The following DOCK9 variants were observed in gnomAD, a reference collection of about 807,000 sequenced individuals.
The protein encoded by DOCK9 is dedicator of cytokinesis protein 9.
Under a neutral mutation model 263.3 loss-of-function variants are expected in DOCK9, and 89 were observed. The observed-to-expected ratio is 0.34, with a 90% confidence interval of 0.28 to 0.40. The LOEUF is 0.40. Ranked by LOEUF, DOCK9 falls within the 10% of genes least tolerant of loss-of-function variation. The pLI, the probability that DOCK9 is intolerant of heterozygous loss-of-function variation, is 1.00. For missense variants in DOCK9, 2,140 were observed against 2,603.4 expected (o/e 0.82, Z 3.87); for synonymous variants, 976 against 973.1 (o/e 1.00, Z -0.06).
chr13:98,935,620 T>C (rs568353572), intron 2 of DOCK9, among the ~76,000 whole-genome samples: 46 of 152,158 alleles, frequency 3.0e-4, no homozygotes, highest in African/African-American at 1.1e-3. Flanking sequence ...AATACAAAAA[T>C]CAGGCAGCGT....
At chr13:98,965,974 T>C (rs2059149365) in intron 1 of DOCK9, among the ~76,000 whole-genome samples, 1 of 152,238 alleles carries the variant, frequency 6.6e-6, no homozygotes, top group Admixed American at 6.5e-5. Flanking sequence ...AATCTGATTT[T>C]GTCAAATCAA....
chr13:98,876,109 T>G (rs369939613), intron 27 of DOCK9, among the ~76,000 whole-genome samples: 2 of 152,172 alleles, frequency 1.3e-5, no homozygotes, highest in Admixed American at 1.3e-4. Context: ...AACACTTTAA[T>G]TGGCACTGAA....
At chr13:98,896,881 C>T (rs2047521090) in intron 15 of DOCK9, among the ~76,000 whole-genome samples, 1 of 152,308 alleles carries the variant, frequency 6.6e-6, no homozygotes, top group African/African-American at 2.4e-5. Context: ...GAAACAGGGT[C>T]TCTGCAGATG....
At chr13:98,812,176 T>C (rs555314022) in intron 45 of DOCK9, among the ~76,000 whole-genome samples, 1 of 151,458 alleles carries the variant, frequency 6.6e-6, no homozygotes, top group South Asian at 2.1e-4. Flanking sequence ...TAATGGGTTT[T>C]TTTTTTAAGG....
intron 36 of DOCK9, among the ~76,000 whole-genome samples, chr13:98,849,336 C>T (rs997888471): frequency 2.6e-5 from 4 of 152,062 alleles, no homozygotes; most frequent in Admixed American, 6.5e-5. Context: ...CATGCAAATA[C>T]ATTTGGCACC....
intron 1 of DOCK9, among the ~76,000 whole-genome samples, chr13:99,078,534 A>G (rs2042003253): frequency 6.6e-6 from 1 of 152,156 alleles, no homozygotes; most frequent in African/African-American, 2.4e-5. Flanking sequence ...ATGGTGAGGA[A>G]GCAGAGGCAG....
intron 1 of DOCK9, among the ~76,000 whole-genome samples, chr13:99,053,156 ACT>A (rs2040778922): frequency 6.6e-6 from 1 of 152,210 alleles, no homozygotes; most frequent in African/African-American, 2.4e-5. Flanking sequence ...CCCAGCTGCC[ACT>A]GTGTTCACAT....
chr13:99,037,941 A>G (rs1888061793), intron 1 of DOCK9, among the ~76,000 whole-genome samples: 1 of 152,232 alleles, frequency 6.6e-6, no homozygotes, highest in African/African-American at 2.4e-5. Context: ...AAGGATGAGG[A>G]AAGAACAGGA....
At chr13:98,995,400 T>C (rs2141759269) in intron 1 of DOCK9, among the ~76,000 whole-genome samples, 1 of 152,144 alleles carries the variant, frequency 6.6e-6, no homozygotes, top group East Asian at 1.9e-4. Context: ...TACTAGTTTA[T>C]TTACAATTGT....
At chr13:98,882,072 C>G in intron 23 of DOCK9, 65 bp from the exon 24 acceptor site, 2 of 1,306,046 alleles carry the variant, frequency 1.5e-6, no homozygotes, top group Non-Finnish European at 2.2e-6. Flanking sequence ...AAAGTAACTT[C>G]CACTCTTCCA....
chr13:98,806,486 G>A (rs1262279722), intron 48 of DOCK9, among the ~76,000 whole-genome samples: 5 of 152,204 alleles, frequency 3.3e-5, no homozygotes, highest in African/African-American at 1.2e-4. Flanking sequence ...AGCACATGGA[G>A]ACCATACTGG....
chr13:98,978,816 T>C (rs1322781024), upstream of DOCK9, among the ~76,000 whole-genome samples: 1 of 152,136 alleles, frequency 6.6e-6, no homozygotes, highest in Non-Finnish European at 1.5e-5. Context: ...AAGAGAGAGA[T>C]GCACAAAAGC....
chr13:99,066,320 C>T (rs938166443), intron 1 of DOCK9, among the ~76,000 whole-genome samples: 9 of 151,376 alleles, frequency 5.9e-5, no homozygotes, highest in Non-Finnish European at 1.0e-4. Flanking sequence ...TGGTGCCATG[C>T]AAATTTGTGT....
In DOCK9 at chr13:98,894,957, CAAAAAA is replaced by C. The variant is rs71114557; in HGVS notation, c.1709+2525_1709+2530del. ...GATATTTAGTATCTCTACTAAAATA[CAAAAAA>C]AAAAAAAAAAAAAAAAAAAAATTAG... On this transcript the variant is annotated intron_variant, in intron 15 of 52. Transcript: ENST00000682017. Among the ~76,000 whole-genome samples, 710 of 73,384 alleles carry C rather than the reference CAAAAAA, an allele frequency of 9.7e-3. 8 individuals are homozygous for C. The Middle Eastern group carries it at 0.12, about 12-fold the overall frequency. 48.1% of individuals were successfully genotyped at this position (73,384 alleles called of 152,430 possible).
chr13:99,037,444 A>G (rs1888008868), intron 1 of DOCK9, among the ~76,000 whole-genome samples: 2 of 152,222 alleles, frequency 1.3e-5, no homozygotes, highest in African/African-American at 4.8e-5. Flanking sequence ...AATGACTACA[A>G]TTAAAGACTG....
At chr13:98,880,177 C>T (rs745549311) in intron 26 of DOCK9, among the ~76,000 whole-genome samples, 8 of 151,956 alleles carry the variant, frequency 5.3e-5, no homozygotes, top group South Asian at 2.1e-4. Flanking sequence ...TGCATCCTGC[C>T]GGGAAACTGG....
intron 49 of DOCK9, among the ~76,000 whole-genome samples, chr13:98,803,942 T>A (rs1462759679): frequency 2.0e-5 from 3 of 149,872 alleles, no homozygotes; most frequent in Admixed American, 6.7e-5. Flanking sequence ...ACCTGTATTT[T>A]TTTTTTTTTT....
In DOCK9 at chr13:98,922,334, C is replaced by T. The variant is rs118139399; in HGVS notation, c.487-188G>A. ...CACTTAGCGGTGAAAGAGAGAGACC[C>T]GCCTACATTTCTGAAAACTTTATTC... On this transcript the variant is annotated intron_variant, in intron 5 of 52. Transcript: ENST00000682017. Among the ~76,000 whole-genome samples, 1,049 of 152,258 alleles carry T rather than the reference C, an allele frequency of 6.9e-3. 16 individuals are homozygous for T. The highest frequency in any genetic ancestry group is 0.046 in the South Asian group (223 of 4,824).
intron 4 of DOCK9, among the ~76,000 whole-genome samples, chr13:98,923,638 A>G (rs2052439931): frequency 6.6e-6 from 1 of 152,238 alleles, no homozygotes; most frequent in Admixed American, 6.5e-5. Flanking sequence ...AAGAAAGTGG[A>G]TTAGTTTTTA....
Sources: allele counts gnomAD v4.1 joint callset (sites outside exome capture counted in the v4.1 genomes callset), GRCh38; gene constraint gnomAD v4.1.1; transcripts MANE v1.5; gene names NCBI Gene and HGNC (gene_info 2026-07-23, HGNC 2026-07-21).